The following SLC26A3 variants were observed in gnomAD, a reference collection of about 807,000 sequenced individuals.
SLC26A3 encodes the protein chloride anion exchanger.
Under a neutral mutation model 85.6 loss-of-function variants are expected in SLC26A3, and 64 were observed. That is an observed-to-expected ratio of 0.75 (90% CI 0.61 to 0.92). SLC26A3 has a LOEUF of 0.92. Among genes scored for constraint, SLC26A3 ranks in the 40% least tolerant of loss-of-function variants. The probability of loss-of-function intolerance (pLI) is 0.00; values close to 1 mark genes in which losing one functional copy is unlikely to be tolerated. For synonymous variants in SLC26A3, 349 were observed against 336.0 expected, an observed-to-expected ratio of 1.04 and a Z score of -0.42; for missense variants, 922 against 927.3, an observed-to-expected ratio of 0.99 and a Z score of 0.07.
At chr7:107,791,741 G>T in intron 4 of SLC26A3, 89 bp downstream of exon 4, 1 of 875,136 alleles carries the variant, frequency 1.1e-6, no homozygotes, top group South Asian at 1.4e-5. Flanking sequence ...CCTGGATTAT[G>T]TGAAATTTGG....
intron 4 of SLC26A3, 47 bp from the exon 5 acceptor site, chr7:107,791,282 C>G: frequency 6.4e-7 from 1 of 1,564,066 alleles, no homozygotes; most frequent in Non-Finnish European, 8.8e-7. Flanking sequence ...CTCTCTAAAG[C>G]ACATTGTCTT....
intron 5 of SLC26A3, among the ~76,000 whole-genome samples, chr7:107,789,943 G>A (rs73191641): frequency 1.7e-4 from 26 of 152,006 alleles, no homozygotes; most frequent in African/African-American, 6.0e-4. Context: ...TTGCCCCCAA[G>A]AAGTAACAGG....
chr7:107,780,388 C>A (rs1268919819), intron 11 of SLC26A3, among the ~76,000 whole-genome samples: 2 of 152,190 alleles, frequency 1.3e-5, no homozygotes, highest in South Asian at 4.1e-4. Context: ...AGCCAAGCTT[C>A]AGACTTCCAA....
chr7:107,802,003 A>G (rs1418820082), intron 1 of SLC26A3, among the ~76,000 whole-genome samples: 1 of 151,526 alleles, frequency 6.6e-6, no homozygotes, highest in Non-Finnish European at 1.5e-5. Context: ...GAGGCAGGAT[A>G]ATCACTTGAA....
At chr7:107,797,128 G>A (rs1380649953) in intron 1 of SLC26A3, among the ~76,000 whole-genome samples, 1 of 152,172 alleles carries the variant, frequency 6.6e-6, no homozygotes, top group Non-Finnish European at 1.5e-5. Flanking sequence ...TGTCCTGCCA[G>A]TAAAAGCCTC....
chr7:107,787,352 A>T lies in SLC26A3; in HGVS notation c.888+5T>A. ...CTATGACAGAGTCTGAAAATGATCA[A>T]TTACCATAATGAATTCGATTGGAAT... On this transcript the variant is annotated splice_donor_5th_base_variant and intron_variant, in intron 7 of 20. Transcript: ENST00000340010. 1 of 1,613,932 alleles carries T rather than the reference A, an allele frequency of 6.2e-7. No homozygotes were observed.
rs1190470936 is a variant in SLC26A3, at chr7:107,782,989, G to T, written c.1224C>A (p.Gly408=). ...SRSAVQESTG[G]KTQIAGLIGA... is the part of the protein sequence containing the mutation. ...AAAGATCTTGACATACCTGTGTTTTGCCTCCTGTGCTCTCCTGAACTGCTG... is the reference window on the plus strand; with the variant it reads ...AAAGATCTTGACATACCTGTGTTTTTCCTCCTGTGCTCTCCTGAACTGCTG... Residue 408 remains glycine, a synonymous_variant, in exon 10 of 21, where the codon GGC becomes GGA. Transcript: ENST00000340010. The T allele has an allele frequency of 1.2e-6, 2 of 1,614,000 alleles. No individual in the cohort carries two copies. Among genetic ancestry groups the T allele is most frequent in the Admixed American group, 1.7e-5 (1 of 60,022 alleles).
At chr7:107,778,033 G>C in intron 13 of SLC26A3, 142 bp downstream of exon 13, 2 of 707,400 alleles carry the variant, frequency 2.8e-6, no homozygotes, top group Non-Finnish European at 5.2e-6. Context: ...TGAGCAACTG[G>C]AGGGAGGATA....
Position 107,794,585 on chromosome 7 carries a change from A to C in SLC26A3, c.-76T>G. 6.4e-7 allele frequency: 1 copy of C among 1,557,828 alleles called. No individual in the cohort carries two copies. Among genetic ancestry groups the C allele is most frequent in the Non-Finnish European group, 8.9e-7 (1 of 1,129,596 alleles). On this transcript the variant is annotated 5_prime_UTR_variant, in exon 2 of 21. Transcript: ENST00000340010. ...GTGAACACTTCTTCTTGCCTTTAGC[A>C]GGTTAAAAATGCCTGAAACCAAACA...
Position 107,782,868 on chromosome 7 carries a change from C to T in SLC26A3, c.1240G>A (p.Gly414Arg). The change falls in exon 11 of 21, where the codon GGG (glycine) becomes AGG (arginine). Residue 414 changes from glycine (G) to arginine (R), a missense_variant. Coordinates refer to ENST00000340010, the MANE Select transcript of SLC26A3 (RefSeq NM_000111.3). The stretch of plus-strand genomic sequence containing the variant: ...AGCACGATGATGGCACCAATAAGCC[C>T]AGCAATCTGTGAGGATAAAAAAATT... ...ESTGGKTQIA[G>R]LIGAIIVLIV... 1 of 1,614,020 alleles carries T rather than the reference C, an allele frequency of 6.2e-7. No individual in the cohort carries two copies. The highest frequency in any genetic ancestry group is 8.5e-7 in the Non-Finnish European group (1 of 1,180,004).
intron 1 of SLC26A3, among the ~76,000 whole-genome samples, chr7:107,800,234 C>G (rs925063718): frequency 2.0e-5 from 3 of 152,170 alleles, no homozygotes; most frequent in Admixed American, 1.3e-4. Flanking sequence ...GTGGCTCATG[C>G]CTGTAATTTT....
intron 3 of SLC26A3, among the ~76,000 whole-genome samples, chr7:107,792,278 G>A (rs1006301866): frequency 6.6e-6 from 1 of 152,086 alleles, no homozygotes; most frequent in East Asian, 1.9e-4. Flanking sequence ...GATGACTCAA[G>A]TGTATTACAT....
chr7:107,786,314 T>C (rs2115854687), intron 8 of SLC26A3, among the ~76,000 whole-genome samples: 1 of 152,248 alleles, frequency 6.6e-6, no homozygotes, highest in South Asian at 2.1e-4. Flanking sequence ...TTTTTCTTTA[T>C]GGTATTATTT....
intron 15 of SLC26A3, 129 bp from the exon 16 acceptor site, chr7:107,775,001 T>A: frequency 1.3e-6 from 1 of 778,778 alleles, no homozygotes; most frequent in Non-Finnish European, 2.2e-6. Context: ...TGACAAAATT[T>A]AAAAGTGGTT....
In SLC26A3 at chr7:107,780,478, T is replaced by C. The variant is rs569039262; in HGVS notation, c.1312-715A>G. Among the ~76,000 whole-genome samples the C allele has an allele frequency of 5.9e-5, 9 of 152,336 alleles. No homozygotes were observed. The East Asian group carries it at 1.7e-3, about 29-fold the overall frequency. On this transcript the variant is annotated intron_variant, in intron 11 of 20. Coordinates refer to ENST00000340010, the MANE Select transcript of SLC26A3 (RefSeq NM_000111.3). ...GTGAAAAATGCTGAATAGCTAAGTA[T>C]ATTCTCTTCATTCTTTGGATTTTAT...
chr7:107,799,385 T>A (rs1224847462), intron 1 of SLC26A3, among the ~76,000 whole-genome samples: 1 of 152,048 alleles, frequency 6.6e-6, no homozygotes, highest in Non-Finnish European at 1.5e-5. Flanking sequence ...TTTTCTTTTC[T>A]TTTCTTTTCT....
At position 107,787,393 on chromosome 7, in the gene SLC26A3, G is replaced by T. The variant is rs775819597; in HGVS notation, c.852C>A (p.Asp284Glu). Reference sequence around the variant, plus strand: ...CGATTGGAATGGGCACTGGAAGTTTGTCTTTGAAGCGCTGATTTATTTCTT... The same window carrying T: ...CGATTGGAATGGGCACTGGAAGTTTTTCTTTGAAGCGCTGATTTATTTCTT... ...IVKEINQRFK[D>E]KLPVPIPIEF... is the part of the protein sequence containing the mutation. The change falls in exon 7 of 21, where the codon GAC becomes GAA. Residue 284 changes from aspartate to glutamate, a missense_variant. Asp to Glu is a conservative substitution (Grantham distance 45). Coordinates refer to ENST00000340010, the MANE Select transcript of SLC26A3 (RefSeq NM_000111.3). 6.2e-7 allele frequency: 1 copy of T among 1,614,056 alleles called. No individual in the cohort carries two copies. Among genetic ancestry groups the T allele is most frequent in the East Asian group, 2.2e-5 (1 of 44,858 alleles).
rs752268186 is a variant in SLC26A3 at position 107,794,372 on chromosome 7, A to G, written c.131+7T>C. On this transcript the variant is annotated splice_region_variant and intron_variant, in intron 2 of 20. Transcript: ENST00000340010. ...TCCTAATGCCAATACCTTAAAAAAT[A>G]TCTTACCTACAACACACTTTGAGAT... 11 of 1,613,788 alleles carry G rather than the reference A, an allele frequency of 6.8e-6. No homozygotes were observed. The highest frequency in any genetic ancestry group is 2.7e-5 in the African/African-American group (2 of 74,916).
chr7:107,783,056 CCA>C lies in SLC26A3; in HGVS notation c.1155_1156del (p.Cys385TrpfsTer72). Reference sequence around the variant, plus strand: ...ACTCCCAGCAAATCCTCTGAATACTCCACAGACTATGTTACCCAGTCCCAAGG... The same window carrying C: ...ACTCCCAGCAAATCCTCTGAATACTCCAGACTATGTTACCCAGTCCCAAGG... On this transcript the variant is annotated frameshift_variant, in exon 10 of 21. Transcript: ENST00000340010. LOFTEE classifies it high-confidence loss of function. 6.2e-7 allele frequency: 1 copy of C among 1,614,188 alleles called. No homozygotes were observed. The highest frequency in any genetic ancestry group is 1.3e-5 in the African/African-American group (1 of 75,050).
Sources: allele counts gnomAD v4.1 joint callset (sites outside exome capture counted in the v4.1 genomes callset), GRCh38; gene constraint gnomAD v4.1.1; transcripts MANE v1.5; gene names NCBI Gene and HGNC (gene_info 2026-07-23, HGNC 2026-07-21).